BAIAP2L2: variants seen among roughly 807,000 people sequenced by gnomAD.
BAIAP2L2 encodes BAR/IMD domain containing adaptor protein 2 like 2, also known as BAR/IMD domain-containing adapter protein 2-like 2.
Under a neutral mutation model 60.4 loss-of-function variants are expected in BAIAP2L2, and 65 were observed. The ratio of observed to expected loss-of-function variants is 1.08; its 90% confidence interval spans 0.88 to 1.32. The LOEUF (loss-of-function observed/expected upper bound fraction) is 1.32, where lower values mean the gene tolerates loss of function less well. Ranked by LOEUF, BAIAP2L2 falls within the 40% of genes most tolerant of loss-of-function variation. BAIAP2L2 has a pLI of 0.00. For synonymous variants in BAIAP2L2, 344 were observed against 301.7 expected (o/e 1.14, Z -1.45); for missense variants, 836 against 741.2 (o/e 1.13, Z -1.48).
chr22:38,093,541 T>A (rs2086357494), intron 7 of BAIAP2L2, among the ~76,000 whole-genome samples: 1 of 152,058 alleles, frequency 6.6e-6, no homozygotes, highest in South Asian at 2.1e-4. Flanking sequence ...CAAAAAGGAG[T>A]TTAACACAGG....
intron 2 of BAIAP2L2, among the ~76,000 whole-genome samples, chr22:38,108,799 T>G (rs12159881): frequency 0.026 from 3,961 of 151,852 alleles, 188 homozygotes; most frequent in African/African-American, 0.092. Flanking sequence ...GCTGGTGGCA[T>G]CCAGGTGACG....
intron 4 of BAIAP2L2, among the ~76,000 whole-genome samples, chr22:38,106,650 G>C (rs2086670749): frequency 6.6e-6 from 1 of 151,856 alleles, no homozygotes; most frequent in Non-Finnish European, 1.5e-5. Flanking sequence ...AGAACAATTA[G>C]TTAAAATTTC....
rs745865164 is a variant in BAIAP2L2, at chr22:38,097,032, C to T, written c.612G>A (p.Arg204=). 15 of 1,610,382 alleles carry T rather than the reference C, an allele frequency of 9.3e-6. No individual in the cohort carries two copies. In the South Asian group the frequency reaches 1.4e-4, roughly 15 times the overall value. The change falls in exon 7 of 14, where the codon CGG becomes CGA. Residue 204 remains arginine, a splice_region_variant and synonymous_variant. Coordinates refer to ENST00000381669, the MANE Select transcript of BAIAP2L2 (RefSeq NM_025045.6). Reference sequence around the variant, plus strand: ...CTTGCTGCCCCCCAGTCCAACTCACCCGGCCGAAGAACTGCAGGAAGGTGT... The same window carrying T: ...CTTGCTGCCCCCCAGTCCAACTCACTCGGCCGAAGAACTGCAGGAAGGTGT... The part of the protein sequence containing the change: ...LSNTFLQFFG[R]ARGMLQNRVL...
chr22:38,085,322 C>T lies in BAIAP2L2; in HGVS notation c.1568G>A (p.Arg523His), dbSNP rs372997857. The T allele has an allele frequency of 1.2e-5, 20 of 1,613,760 alleles. No homozygotes were observed. The highest frequency in any genetic ancestry group is 1.1e-4 in the African/African-American group (8 of 74,894). The change falls in exon 14 of 14, where the codon CGC (arginine) becomes CAC (histidine). Residue 523 changes from arginine (R) to histidine (H), a missense_variant. Arg to His is a conservative substitution (Grantham distance 29). Transcript: ENST00000381669. ...VKLRPTITND[R>H]SAPLIR ...GCCTCAGCGGATGAGGGGTGCTGAG[C>T]GGTCATTGGTGATGGTGGGACGAAG...
At chr22:38,099,733 G>A (rs2086525610) in intron 4 of BAIAP2L2, among the ~76,000 whole-genome samples, 1 of 152,116 alleles carries the variant, frequency 6.6e-6, no homozygotes, top group African/African-American at 2.4e-5. Context: ...GGACACAAGA[G>A]GTGCTTCCCC....
At chr22:38,086,557 C>T (rs1222619504) in intron 11 of BAIAP2L2, 108 bp from the exon 12 acceptor site, 1 of 804,206 alleles carries the variant, frequency 1.2e-6, no homozygotes, top group Non-Finnish European at 1.9e-6. Flanking sequence ...CAGCTTCCTC[C>T]CCGCACCTGC....
intron 4 of BAIAP2L2, among the ~76,000 whole-genome samples, chr22:38,100,787 A>G (rs1010491411): frequency 1.3e-5 from 2 of 152,204 alleles, no homozygotes; most frequent in African/African-American, 4.8e-5. Flanking sequence ...CTTGATAGTG[A>G]CACAAACAGA....
At chr22:38,094,476 G>A (rs1003616781) in intron 7 of BAIAP2L2, among the ~76,000 whole-genome samples, 3 of 152,148 alleles carry the variant, frequency 2.0e-5, no homozygotes, top group African/African-American at 7.2e-5. Context: ...GTGAGCCACC[G>A]CGCCTGGCCG....
intron 13 of BAIAP2L2, 75 bp downstream of exon 13, chr22:38,085,611 G>A: frequency 9.8e-6 from 15 of 1,523,664 alleles, no homozygotes; most frequent in East Asian, 2.3e-5. Context: ...AGTCTCCCTA[G>A]TAGCTGGGAC....
At chr22:38,100,808 G>A (rs2086550960) in intron 4 of BAIAP2L2, among the ~76,000 whole-genome samples, 1 of 152,158 alleles carries the variant, frequency 6.6e-6, no homozygotes, top group Non-Finnish European at 1.5e-5. Flanking sequence ...TTCATACAAT[G>A]CAACAACATG....
intron 7 of BAIAP2L2, among the ~76,000 whole-genome samples, chr22:38,096,530 C>G (rs577092586): frequency 1.3e-5 from 2 of 152,340 alleles, no homozygotes; most frequent in African/African-American, 4.8e-5. Context: ...TAGCACATGC[C>G]TGTAGTCCCA....
intron 4 of BAIAP2L2, among the ~76,000 whole-genome samples, chr22:38,101,317 G>A (rs13055476): frequency 1.4e-5 from 2 of 142,674 alleles, no homozygotes; most frequent in Non-Finnish European, 3.0e-5. Context: ...AGGATTGCTC[G>A]AGCCCAAGAG....
Position 38,097,062 on chromosome 22 carries a change from A to G in BAIAP2L2, c.582T>C (p.Leu194=). The change falls in exon 7 of 14, where the codon CTT becomes CTC. Residue 194 remains leucine, a synonymous_variant. Coordinates refer to ENST00000381669, the MANE Select transcript of BAIAP2L2 (RefSeq NM_025045.6). ...YRFLAEKHLL[L]SNTFLQFFGR... ...CGAAGAACTGCAGGAAGGTGTTGGAAAGTAGCAGGTGCTTCTCTGCTAGGA... is the reference window on the plus strand; with the variant it reads ...CGAAGAACTGCAGGAAGGTGTTGGAGAGTAGCAGGTGCTTCTCTGCTAGGA... The G allele has an allele frequency of 6.2e-7, 1 of 1,614,014 alleles. No homozygotes were observed. The highest frequency in any genetic ancestry group is 8.5e-7 in the Non-Finnish European group (1 of 1,179,952).
chr22:38,098,360 G>T, intron 5 of BAIAP2L2, 51 bp downstream of exon 5: 1 of 1,568,222 alleles, frequency 6.4e-7, no homozygotes, highest in Non-Finnish European at 8.8e-7. Flanking sequence ...AAATGGGAGA[G>T]GGGGTCCTGC....
chr22:38,105,485 G>A lies in BAIAP2L2; in HGVS notation c.276+2367C>T, dbSNP rs936682697. Among the ~76,000 whole-genome samples the A allele has an allele frequency of 5.9e-5, 9 of 151,812 alleles. No individual in the cohort carries two copies. In the East Asian group the frequency reaches 9.7e-4, roughly 16 times the overall value. ...CTCCCGAGTAGCTGGGATTACAGGC[G>A]CCCGCCACCACATGCGCGGCTAATT... On this transcript the variant is annotated intron_variant, in intron 4 of 13. Transcript: ENST00000381669.
At position 38,098,394 on chromosome 22, in the gene BAIAP2L2, G is replaced by A. The variant is rs1205707852; in HGVS notation, c.348+17C>T. 6.2e-7 allele frequency: 1 copy of A among 1,611,544 alleles called. No homozygotes were observed. The highest frequency in any genetic ancestry group is 1.7e-5 in the Admixed American group (1 of 59,964). On this transcript the variant is annotated intron_variant, in intron 5 of 13. Coordinates refer to ENST00000381669, the MANE Select transcript of BAIAP2L2 (RefSeq NM_025045.6). ...GCCTGCAGTGAGTTGGGGGCCGAGTGGGGAGGCCAGACTCACTTTGATGAA... is the reference window on the plus strand; with the variant it reads ...GCCTGCAGTGAGTTGGGGGCCGAGTAGGGAGGCCAGACTCACTTTGATGAA...
At position 38,109,228 on chromosome 22, in the gene BAIAP2L2, G is replaced by T; in HGVS notation, c.52-20C>A. 2 of 1,587,352 alleles carry T rather than the reference G, an allele frequency of 1.3e-6. No individual in the cohort carries two copies. The highest frequency in any genetic ancestry group is 1.7e-6 in the Non-Finnish European group (2 of 1,156,522). Reference sequence around the variant, plus strand: ...GATGCTCTGGACCCCAGGGTCAGGGGAGGAAAAAGGTGTAGAGATGGGGGA... The same window carrying T: ...GATGCTCTGGACCCCAGGGTCAGGGTAGGAAAAAGGTGTAGAGATGGGGGA... On this transcript the variant is annotated intron_variant, in intron 1 of 13. Coordinates refer to ENST00000381669, the MANE Select transcript of BAIAP2L2 (RefSeq NM_025045.6).
chr22:38,108,115 G>C lies in BAIAP2L2; in HGVS notation c.214+140C>G, dbSNP rs1390053472. 3 of 973,056 alleles carry C rather than the reference G, an allele frequency of 3.1e-6. No individual in the cohort carries two copies. The African/African-American group carries it at 4.9e-5, about 16-fold the overall frequency. The allele number at this position is 973,056 out of a possible 1,614,324, so 60.3% of individuals were successfully genotyped here. On this transcript the variant is annotated intron_variant, in intron 3 of 13. Coordinates refer to ENST00000381669, the MANE Select transcript of BAIAP2L2 (RefSeq NM_025045.6). ...GCAGCCCGGCAGGGAGTGGTGGCGG[G>C]GAGCCTGGGCCCCAGAACAAGAGTC...
intron 4 of BAIAP2L2, among the ~76,000 whole-genome samples, chr22:38,101,347 A>G (rs945983001): frequency 2.1e-5 from 3 of 145,316 alleles, no homozygotes; most frequent in African/African-American, 7.8e-5. Flanking sequence ...AGCCTGGGCA[A>G]CATAGTAAGA....
Sources: gnomAD v4.1 joint callset for allele counts (sites outside exome capture counted in the v4.1 genomes callset) on GRCh38, gnomAD v4.1.1 for gene constraint, MANE v1.5 for transcripts, NCBI Gene and HGNC (gene_info 2026-07-23, HGNC 2026-07-21) for gene names.